FTCDNL1: variants seen among roughly 807,000 people sequenced by gnomAD.
FTCDNL1 encodes the protein formiminotransferase cyclodeaminase N-terminal like.
Under a neutral mutation model 5.9 loss-of-function variants are expected in FTCDNL1, and 11 were observed. That is an observed-to-expected ratio of 1.87 (90% CI 1.18 to 3.10). The LOEUF is 3.10. Among genes scored for constraint, FTCDNL1 ranks in the 30% most tolerant of loss-of-function variants. FTCDNL1 has a pLI of 0.00. For missense variants in FTCDNL1, 115 were observed against 65.5 expected, an observed-to-expected ratio of 1.76 and a Z score of -2.61; for synonymous variants, 58 against 24.8, an observed-to-expected ratio of 2.34 and a Z score of -3.99.
In FTCDNL1 at chr2:199,819,616, T is replaced by C; in HGVS notation, c.353A>G (p.Gln118Arg). Reference sequence around the variant, plus strand: ...GGAAGGGGCAGCTCCCAGGTCAGGCTGAAGAGCACTGAAATCCCTCCTCGT... The same window carrying C: ...GGAAGGGGCAGCTCCCAGGTCAGGCCGAAGAGCACTGAAATCCCTCCTCGT... Reference protein sequence around the residue: ...WFTRRDFSALQPDLGAAPSQR... With the variant: ...WFTRRDFSALRPDLGAAPSQR... The change falls in exon 4 of 5, where the codon CAG becomes CGG. Residue 118 changes from glutamine (Q) to arginine (R), a missense_variant. Coordinates refer to ENST00000420128, the MANE Select transcript of FTCDNL1 (RefSeq NM_001363886.2). 1 of 702,042 alleles carries C rather than the reference T, an allele frequency of 1.4e-6. No individual in the cohort carries two copies. The highest frequency in any genetic ancestry group is 2.7e-5 in the East Asian group (1 of 37,270). 43.5% of individuals were successfully genotyped at this position (702,042 alleles called of 1,614,324 possible).
At chr2:199,694,830 T>C in the FTCDNL1 span, among the ~76,000 whole-genome samples, 3 of 152,020 alleles carry the variant, frequency 2.0e-5, no homozygotes, top group African/African-American at 7.2e-5. Flanking sequence ...TAAGACCCTG[T>C]CTCAAAAAAA....
At chr2:199,840,208 TG>T (rs1291810849) in intron 3 of FTCDNL1, among the ~76,000 whole-genome samples, 1 of 152,212 alleles carries the variant, frequency 6.6e-6, no homozygotes, top group African/African-American at 2.4e-5. Flanking sequence ...CATGGAGAGA[TG>T]TAACTATTGA....
chr2:199,793,516 T>C (rs919389158), intron 3 of FTCDNL1, among the ~76,000 whole-genome samples: 2 of 147,078 alleles, frequency 1.4e-5, no homozygotes, highest in Non-Finnish European at 3.0e-5. Flanking sequence ...AGTCCGTTTA[T>C]ATAGACATTT....
At position 199,822,113 on chromosome 2, in the gene FTCDNL1, A is replaced by T. The variant is rs112881777; in HGVS notation, c.212-2356T>A. Among the ~76,000 whole-genome samples the T allele has an allele frequency of 6.8e-3, 1,031 of 152,288 alleles. 11 individuals are homozygous for T. Among genetic ancestry groups the T allele is most frequent in the African/African-American group, 0.024 (979 of 41,556 alleles). On this transcript the variant is annotated intron_variant, in intron 3 of 4. Coordinates refer to ENST00000420128, the MANE Select transcript of FTCDNL1 (RefSeq NM_001363886.2). Reference sequence around the variant, plus strand: ...AATATATATACCTTAATTTAAAAATACTTTATTGGCCAGGTGCAGTGCCTC... The same window carrying T: ...AATATATATACCTTAATTTAAAAATTCTTTATTGGCCAGGTGCAGTGCCTC...
chr2:199,762,128 C>T (rs1698299955), intron 3 of FTCDNL1, among the ~76,000 whole-genome samples: 1 of 152,140 alleles, frequency 6.6e-6, no homozygotes, highest in South Asian at 2.1e-4. Context: ...CGCCTATAAT[C>T]CCAGCACTTT....
At chr2:199,764,293 A>G (rs960057867) in intron 3 of FTCDNL1, among the ~76,000 whole-genome samples, 6 of 152,230 alleles carry the variant, frequency 3.9e-5, no homozygotes. Context: ...GGCAAGCACT[A>G]TTATTACCCC....
chr2:199,848,894 T>C lies in FTCDNL1; in HGVS notation c.69A>G (p.Lys23=). Residue 23 remains lysine (K), a synonymous_variant, in exon 2 of 5, where the codon AAA becomes AAG. Coordinates refer to ENST00000420128, the MANE Select transcript of FTCDNL1 (RefSeq NM_001363886.2). ...CLLNVSEAGR[K]YIVENIAKAA... ...CTTTTGCTATGTTCTCAACAATGTA[T>C]TTTCTTCCGGCTTCTGAAACGTTTA... 6 of 702,332 alleles carry C rather than the reference T, an allele frequency of 8.5e-6. No homozygotes were observed. Among genetic ancestry groups the C allele is most frequent in the Non-Finnish European group, 1.3e-5 (5 of 384,786 alleles). 43.5% of individuals were successfully genotyped at this position (702,332 alleles called of 1,614,324 possible).
chr2:199,779,573 C>T (rs925491207), intron 3 of FTCDNL1, among the ~76,000 whole-genome samples: 1 of 152,178 alleles, frequency 6.6e-6, no homozygotes, highest in African/African-American at 2.4e-5. Flanking sequence ...CCAAAGGGCT[C>T]CCCTACACTC....
chr2:199,826,193 T>A (rs1049046873), intron 3 of FTCDNL1, among the ~76,000 whole-genome samples: 2 of 152,156 alleles, frequency 1.3e-5, no homozygotes, highest in African/African-American at 4.8e-5. Flanking sequence ...GATTCTTTAA[T>A]CTGGTTCCTA....
At chr2:199,821,095 C>T (rs1474734414) in intron 3 of FTCDNL1, among the ~76,000 whole-genome samples, 1 of 152,132 alleles carries the variant, frequency 6.6e-6, no homozygotes, top group Non-Finnish European at 1.5e-5. Context: ...TAAAAAAAGA[C>T]TGGGTACCAC....
the FTCDNL1 span, among the ~76,000 whole-genome samples, chr2:199,744,220 C>G: frequency 6.6e-6 from 1 of 152,170 alleles, no homozygotes; most frequent in Admixed American, 6.5e-5. Context: ...ACTCTTTAAG[C>G]CCCTGCTATG....
At chr2:199,774,121 A>G (rs75772840) in intron 3 of FTCDNL1, among the ~76,000 whole-genome samples, 2,775 of 152,250 alleles carry the variant, frequency 0.018, 78 homozygotes, top group African/African-American at 0.063. Flanking sequence ...ACCATCTTCT[A>G]CACAAAAGTT....
At chr2:199,734,307 C>G in the FTCDNL1 span, among the ~76,000 whole-genome samples, 5 of 152,158 alleles carry the variant, frequency 3.3e-5, no homozygotes, top group African/African-American at 1.2e-4. Context: ...ACAATGTGTA[C>G]TGCAGTGATT....
Position 199,819,705 on chromosome 2 carries a change from A to G in FTCDNL1, c.264T>C (p.Phe88=). ...GCTTCTCAGGCAGGTCAGCTTCGCC[A>G]AAGAGAAACACGCTGCAGCCAGGAA... ...LHVPGCSVFL[F]GEADLPEKRS... Residue 88 remains phenylalanine, a synonymous_variant, in exon 4 of 5, where the codon TTT becomes TTC. Transcript: ENST00000420128. 1.4e-6 allele frequency: 1 copy of G among 702,338 alleles called. No homozygotes were observed. The highest frequency in any genetic ancestry group is 2.7e-5 in the East Asian group (1 of 37,286). The allele number at this position is 702,338 out of a possible 1,614,324, so 43.5% of individuals were successfully genotyped here.
At chr2:199,666,642 G>A in the FTCDNL1 span, among the ~76,000 whole-genome samples, 1 of 152,010 alleles carries the variant, frequency 6.6e-6, no homozygotes, top group Non-Finnish European at 1.5e-5. Context: ...CTTGGTCCAG[G>A]GTGGTGGCTC....
At chr2:199,768,773 A>G (rs1266730704) in intron 3 of FTCDNL1, among the ~76,000 whole-genome samples, 2 of 152,144 alleles carry the variant, frequency 1.3e-5, no homozygotes, top group Non-Finnish European at 2.9e-5. Flanking sequence ...TTCTACTTGT[A>G]TCATTATTTG....
At chr2:199,759,255 T>C (rs982435817), downstream of FTCDNL1, among the ~76,000 whole-genome samples, 1 of 151,346 alleles carries the variant, frequency 6.6e-6, no homozygotes, top group African/African-American at 2.4e-5. Context: ...GGGATTAGGA[T>C]GGTGGTCAAG....
intron 3 of FTCDNL1, among the ~76,000 whole-genome samples, chr2:199,828,091 C>T (rs1203298938): frequency 6.6e-6 from 1 of 151,236 alleles, no homozygotes; most frequent in East Asian, 2.0e-4. Context: ...CTAATGACTG[C>T]AATCCAAGGG....
the FTCDNL1 span, among the ~76,000 whole-genome samples, chr2:199,683,532 C>T: frequency 2.0e-4 from 30 of 151,392 alleles, no homozygotes; most frequent in African/African-American, 7.3e-4. Flanking sequence ...ATAATCCCAG[C>T]TGACTGAGAT....
Sources: allele counts gnomAD v4.1 joint callset (sites outside exome capture counted in the v4.1 genomes callset), GRCh38; gene constraint gnomAD v4.1.1; transcripts MANE v1.5; gene names NCBI Gene and HGNC (gene_info 2026-07-23, HGNC 2026-07-21).